CCDC171: variants seen among roughly 807,000 people sequenced by gnomAD.
CCDC171 encodes the protein coiled-coil domain containing 171, also known as coiled-coil domain-containing protein 171.
CCDC171 carries 177 observed loss-of-function variants against 168.2 expected under a neutral mutation model. The observed-to-expected ratio is 1.05, with a 90% CI of 0.93 to 1.19. The LOEUF is 1.19. CCDC171 is among the 50% of genes most tolerant of loss of function. CCDC171 has a pLI of 0.00. For missense variants in CCDC171, 1,991 were observed against 1,539.0 expected (o/e 1.29, Z -4.91); for synonymous variants, 687 against 540.8 (o/e 1.27, Z -3.75).
chr9:15,770,804 C>T (rs2056972173), intron 18 of CCDC171, among the ~76,000 whole-genome samples: 1 of 152,074 alleles, frequency 6.6e-6, no homozygotes. Context: ...AGCGTAAAAC[C>T]TTCACACAAT....
the CCDC171 span, among the ~76,000 whole-genome samples, chr9:16,077,327 G>A: frequency 3.3e-5 from 5 of 152,236 alleles, no homozygotes; most frequent in South Asian, 8.3e-4. Context: ...TCGCCTTACC[G>A]GGGTATCAAA....
rs746452288 is a variant in CCDC171, at chr9:15,744,300, A to G, written c.2077A>G (p.Met693Val). ...ATTTCAAGAAATTGCTGAAAAAAAC[A>G]TGGAAAAATTGAACCATATTGAGAA... The part of the protein sequence containing the change: ...QKFQEIAEKN[M>V]EKLNHIEKSH... The change falls in exon 17 of 26, where the codon ATG becomes GTG. Residue 693 changes from methionine (M) to valine (V), a missense_variant. Met to Val is a conservative substitution (Grantham distance 21). Coordinates refer to ENST00000380701, the MANE Select transcript of CCDC171 (RefSeq NM_173550.4). 6.9e-6 allele frequency: 11 copies of G among 1,585,532 alleles called. No homozygotes were observed. The highest frequency in any genetic ancestry group is 8.5e-6 in the Non-Finnish European group (10 of 1,169,886).
At chr9:15,842,071 A>G (rs1338507038) in intron 21 of CCDC171, among the ~76,000 whole-genome samples, 1 of 122,214 alleles carries the variant, frequency 8.2e-6, no homozygotes, top group African/African-American at 3.0e-5. Flanking sequence ...TTTAAATGTT[A>G]TCTTTTTTCC....
the CCDC171 span, among the ~76,000 whole-genome samples, chr9:16,097,405 G>C: frequency 6.6e-6 from 1 of 152,118 alleles, no homozygotes; most frequent in African/African-American, 2.4e-5. Context: ...TTTTTTGAAG[G>C]CCTACTCATT....
chr9:15,670,254 A>AT (rs2049019067), intron 9 of CCDC171, among the ~76,000 whole-genome samples: 1 of 152,198 alleles, frequency 6.6e-6, no homozygotes, highest in African/African-American at 2.4e-5. Flanking sequence ...TTATTTATAA[A>AT]ATAGTACCAA....
chr9:16,059,789 C>G (rs1423238697), intron 1 of CCDC171, among the ~76,000 whole-genome samples: 8 of 151,382 alleles, frequency 5.3e-5, no homozygotes, highest in African/African-American at 9.7e-5. Flanking sequence ...GCTGGGATTA[C>G]AGGCGTGAGC....
chr9:15,695,504 A>C (rs1227055938), intron 11 of CCDC171, among the ~76,000 whole-genome samples, 167 bp downstream of exon 11: 1 of 152,192 alleles, frequency 6.6e-6, no homozygotes, highest in African/African-American at 2.4e-5. Flanking sequence ...CTGGCTGAGA[A>C]AGGGTGACGG....
intron 23 of CCDC171, among the ~76,000 whole-genome samples, chr9:15,870,322 A>G (rs2061981134): frequency 1.3e-5 from 2 of 151,852 alleles, no homozygotes; most frequent in South Asian, 4.1e-4. Flanking sequence ...AGGGCAAGAA[A>G]ATGGAGGCAA....
chr9:16,026,929 T>G (rs1833285766), intron 6 of CCDC171, among the ~76,000 whole-genome samples: 1 of 152,226 alleles, frequency 6.6e-6, no homozygotes, highest in African/African-American at 2.4e-5. Context: ...CTCTGTGAGT[T>G]TACTCAGTCT....
intron 16 of CCDC171, among the ~76,000 whole-genome samples, chr9:15,736,661 T>TTTTC (rs58407296): frequency 0.27 from 39,595 of 147,774 alleles, 6,693 homozygotes; most frequent in East Asian, 0.53. Context: ...TCACATTTCT[T>TTTTC]TTTCTTTCTT....
At chr9:15,601,500 A>T (rs142892666) in intron 6 of CCDC171, among the ~76,000 whole-genome samples, 1 of 152,236 alleles carries the variant, frequency 6.6e-6, no homozygotes, top group Non-Finnish European at 1.5e-5. Flanking sequence ...TGTGTAGTTA[A>T]TTAGTTCATT....
chr9:15,817,892 C>A, intron 21 of CCDC171, among the ~76,000 whole-genome samples: 1 of 118,598 alleles, frequency 8.4e-6, no homozygotes. Context: ...GGGCAGACTG[C>A]CTCCTCAAGT....
At chr9:15,618,688 C>G (rs1206613148) in intron 6 of CCDC171, among the ~76,000 whole-genome samples, 1 of 152,154 alleles carries the variant, frequency 6.6e-6, no homozygotes, top group African/African-American at 2.4e-5. Flanking sequence ...TTGCAAAAAT[C>G]CATGGGAAAA....
intron 16 of CCDC171, among the ~76,000 whole-genome samples, chr9:15,743,379 C>T (rs111344332): frequency 2.0e-5 from 3 of 151,500 alleles, no homozygotes; most frequent in Middle Eastern, 3.4e-3. Context: ...GCTATGTTGC[C>T]CAGGATGGTC....
intron 21 of CCDC171, among the ~76,000 whole-genome samples, chr9:15,825,169 C>G (rs182967559): frequency 5.5e-4 from 84 of 152,162 alleles, no homozygotes; most frequent in African/African-American, 1.9e-3. Context: ...AGAAATAGAA[C>G]CTATTAATTT....
intron 25 of CCDC171, among the ~76,000 whole-genome samples, chr9:15,939,380 G>T (rs898417432): frequency 6.6e-6 from 1 of 151,728 alleles, no homozygotes; most frequent in African/African-American, 2.4e-5. Context: ...AAACCCTGCA[G>T]AATATTTGAA....
intron 1 of CCDC171, among the ~76,000 whole-genome samples, chr9:16,043,091 C>A (rs953898024): frequency 1.3e-5 from 2 of 152,088 alleles, no homozygotes; most frequent in African/African-American, 4.8e-5. Context: ...GAGCCCAAGT[C>A]AGCATTGAAA....
chr9:16,038,448 C>T (rs2149232), upstream of CCDC171, among the ~76,000 whole-genome samples: 6 of 152,108 alleles, frequency 3.9e-5, no homozygotes, highest in South Asian at 2.1e-4. Context: ...GTTTGGAGCT[C>T]TGAAGATTGA....
chr9:15,586,583 A>G (rs2041580365), intron 4 of CCDC171, among the ~76,000 whole-genome samples: 1 of 152,198 alleles, frequency 6.6e-6, no homozygotes, highest in Non-Finnish European at 1.5e-5. Flanking sequence ...TAGTGAGTAA[A>G]ATAAGTAGGG....
Sources: gnomAD v4.1 joint callset for allele counts (sites outside exome capture counted in the v4.1 genomes callset) on GRCh38, gnomAD v4.1.1 for gene constraint, MANE v1.5 for transcripts, NCBI Gene and HGNC (gene_info 2026-07-23, HGNC 2026-07-21) for gene names.